LLGL2: variants seen among roughly 807,000 people sequenced by gnomAD.
LLGL2 encodes the protein LLGL2, scribble cell polarity complex component.
A neutral mutation model predicts 123.2 loss-of-function variants in LLGL2; 81 were observed. That is an observed-to-expected ratio of 0.66 (90% confidence interval 0.55 to 0.79). LLGL2 has a LOEUF of 0.79. LLGL2 is among the 30% of genes least tolerant of loss of function. The pLI, the probability that LLGL2 is intolerant of heterozygous loss-of-function variation, is 0.00. For missense variants in LLGL2, 1,273 were observed against 1,414.6 expected (o/e 0.90, Z 1.61); for synonymous variants, 577 against 594.1 (o/e 0.97, Z 0.42).
chr17:75,568,628 C>T lies in LLGL2; in HGVS notation c.1189C>T (p.Pro397Ser). 1 of 1,613,910 alleles carries T rather than the reference C, an allele frequency of 6.2e-7. No individual in the cohort carries two copies. The highest frequency in any genetic ancestry group is 8.5e-7 in the Non-Finnish European group (1 of 1,180,018). ...CTGCTCTCACCACGTCTCCAACATC[C>T]CGCTGAAGCTGTGGGAGCGGATCAT... Reference protein sequence around the residue: ...ITCSHHVSNIPLKLWERIIAA... With the variant: ...ITCSHHVSNISLKLWERIIAA... The change falls in exon 11 of 26, where the codon CCG becomes TCG. Residue 397 changes from proline to serine, a missense_variant. Transcript: ENST00000392550.
chr17:75,548,153 G>A (rs1382917190), intron 2 of LLGL2, among the ~76,000 whole-genome samples: 1 of 152,048 alleles, frequency 6.6e-6, no homozygotes, highest in Non-Finnish European at 1.5e-5. Flanking sequence ...AAACCCAAAA[G>A]ATTCTGAAAT....
intron 2 of LLGL2, among the ~76,000 whole-genome samples, chr17:75,546,573 G>A (rs2054435092): frequency 1.8e-5 from 1 of 55,438 alleles, no homozygotes; most frequent in Non-Finnish European, 5.3e-5. Flanking sequence ...CAGGCGGAGG[G>A]CAGGTCCAGC....
At position 75,538,103 on chromosome 17, in the gene LLGL2, G is replaced by A. The variant is rs141680210; in HGVS notation, c.-30-5294G>A. 7.7e-3 allele frequency among the ~76,000 whole-genome samples: 1,172 copies of A among 152,270 alleles called. 18 individuals are homozygous for A. The highest frequency in any genetic ancestry group is 0.026 in the African/African-American group (1,092 of 41,540). Reference sequence around the variant, plus strand: ...TGGGATTACAGGCGTGAGCCACCTCGCCCAGCCTGGAAGGGGGGCCGGGCT... The same window carrying A: ...TGGGATTACAGGCGTGAGCCACCTCACCCAGCCTGGAAGGGGGGCCGGGCT... On this transcript the variant is annotated intron_variant, in intron 1 of 25. Coordinates refer to ENST00000392550, the MANE Select transcript of LLGL2 (RefSeq NM_001031803.2).
At chr17:75,528,079 G>A (rs906697111) in intron 1 of LLGL2, among the ~76,000 whole-genome samples, 2 of 151,612 alleles carry the variant, frequency 1.3e-5, no homozygotes, top group African/African-American at 2.4e-5. Context: ...TGCCACGCCA[G>A]ACCCGTTAGT....
At chr17:75,535,978 C>T (rs1386012517) in intron 1 of LLGL2, among the ~76,000 whole-genome samples, 4 of 152,180 alleles carry the variant, frequency 2.6e-5, no homozygotes, top group African/African-American at 9.7e-5. Context: ...ACATGCAAGG[C>T]ACAGACTTGG....
At chr17:75,536,250 A>G (rs1412731250) in intron 1 of LLGL2, among the ~76,000 whole-genome samples, 1 of 151,928 alleles carries the variant, frequency 6.6e-6, no homozygotes, top group African/African-American at 2.4e-5. Flanking sequence ...CTGGTGTTAG[A>G]CTTGAGGACT....
At chr17:75,529,880 T>G (rs562923810) in intron 1 of LLGL2, among the ~76,000 whole-genome samples, 41 of 152,154 alleles carry the variant, frequency 2.7e-4, no homozygotes, top group African/African-American at 9.9e-4. Flanking sequence ...TAATAATAAT[T>G]TTTAAAAAAA....
chr17:75,573,853 G>T, intron 21 of LLGL2, 99 bp from the exon 22 acceptor site: 11 of 1,428,998 alleles, frequency 7.7e-6, no homozygotes, highest in Non-Finnish European at 8.7e-6. Context: ...TCCGGCTCAG[G>T]ACAGGCTGCG....
chr17:75,542,926 A>C (rs1435050396), intron 1 of LLGL2: 1 of 152,328 alleles, frequency 6.6e-6, no homozygotes, highest in East Asian at 1.9e-4. Context: ...GCCTGGAGTC[A>C]CTGCAGGCCT....
chr17:75,573,409 C>T, intron 20 of LLGL2, 72 bp from the exon 21 acceptor site: 1 of 1,567,820 alleles, frequency 6.4e-7, no homozygotes, highest in Non-Finnish European at 8.7e-7. Flanking sequence ...GCACTAGCCC[C>T]TACTCCCCCA....
chr17:75,529,387 T>A (rs573084433), intron 1 of LLGL2, among the ~76,000 whole-genome samples: 206 of 151,424 alleles, frequency 1.4e-3, no homozygotes, highest in African/African-American at 4.6e-3. Context: ...GTATTTTTTG[T>A]AGAGACAGGG....
At position 75,564,359 on chromosome 17, in the gene LLGL2, C is replaced by T; in HGVS notation, c.888C>T (p.Pro296=). ...GCTCCTCTGTGCCTGCCAGGTTGCC[C>T]TTCACCATCTTCCAGGGTGGCATGC... is the stretch of plus-strand genomic sequence containing the variant. ...ILWLTTRQGL[P]FTIFQGGMPR... is the part of the protein sequence containing the mutation. Residue 296 remains proline, a synonymous_variant, in exon 10 of 26, where the codon CCC becomes CCT. Coordinates refer to ENST00000392550, the MANE Select transcript of LLGL2 (RefSeq NM_001031803.2). This position sits in a 1 kb window ranked among gnomAD's most constrained non-coding sequence, Gnocchi z 4.9. The T allele has an allele frequency of 6.2e-7, 1 of 1,608,870 alleles. No individual in the cohort carries two copies. The highest frequency in any genetic ancestry group is 8.5e-7 in the Non-Finnish European group (1 of 1,178,732).
rs750227574 is a variant in LLGL2, at chr17:75,543,416, G to A, written c.-11G>A. ...CTCCAGGTCTCCAGTGGGGGCTGCA[G>A]ACTAAGCAAAATGAGGCGGTTCCTG... On this transcript the variant is annotated 5_prime_UTR_variant, in exon 2 of 26. Transcript: ENST00000392550. The A allele has an allele frequency of 2.5e-6, 4 of 1,605,560 alleles. No individual in the cohort carries two copies. The highest frequency in any genetic ancestry group is 2.2e-5 in the South Asian group (2 of 89,966).
rs762283011 is a variant in LLGL2, at chr17:75,563,178, G to A, written c.693G>A (p.Gln231=). Reference sequence around the variant, plus strand: ...TGCTCTACCACTTCCTCAGCAGCCAGGTAGGCAGTGCCCAGGACATGGCAG... The same window carrying A: ...TGCTCTACCACTTCCTCAGCAGCCAAGTAGGCAGTGCCCAGGACATGGCAG... ...SRVLYHFLSS[Q]QLENIWWQRD... is the part of the protein sequence containing the mutation. Residue 231 remains glutamine (Q), a splice_region_variant and synonymous_variant, in exon 7 of 26, where the codon CAG becomes CAA. Transcript: ENST00000392550. 1 of 1,613,028 alleles carries A rather than the reference G, an allele frequency of 6.2e-7. No homozygotes were observed. The highest frequency in any genetic ancestry group is 8.5e-7 in the Non-Finnish European group (1 of 1,180,008).
In LLGL2 at chr17:75,558,398, C is replaced by A; in HGVS notation, c.256-114C>A. The A allele has an allele frequency of 8.6e-7, 1 of 1,159,550 alleles. No homozygotes were observed. The highest frequency in any genetic ancestry group is 1.2e-6 in the Non-Finnish European group (1 of 824,426). 71.8% of individuals were successfully genotyped at this position (1,159,550 alleles called of 1,614,324 possible). ...CCTTTCCACAGCTGGGGCTCATGGG[C>A]CACCCTGGGAGTGGCCAGGGGGTCT... On this transcript the variant is annotated intron_variant, in intron 4 of 25. Transcript: ENST00000392550. The surrounding 1 kb of genome is among the most constrained non-coding windows in gnomAD (Gnocchi z 4.0).
At chr17:75,557,997 C>G in intron 3 of LLGL2, 158 bp from the exon 4 acceptor site, 1 of 773,976 alleles carries the variant, frequency 1.3e-6, no homozygotes, top group Non-Finnish European at 2.3e-6. Context: ...GCTGTGTCTC[C>G]TCCCCACCCT....
At chr17:75,570,631 G>A (rs879271506) in intron 16 of LLGL2, 133 bp downstream of exon 16, 3 of 1,141,170 alleles carry the variant, frequency 2.6e-6, no homozygotes, top group Admixed American at 2.7e-5. Flanking sequence ...AGGTCGCATT[G>A]TGTGACCTCA....
Position 75,558,963 on chromosome 17 carries a change from C to T in LLGL2, c.372-289C>T, listed in dbSNP as rs111939749. 10,558 of 320,244 alleles carry T rather than the reference C, an allele frequency of 0.033. 1,444 individuals carry two copies. The highest frequency in any genetic ancestry group is 0.12 in the African/African-American group (2,432 of 20,062). The allele number at this position is 320,244 out of a possible 1,614,324, so 19.8% of individuals were successfully genotyped here. A position where few individuals can be genotyped will look rare whatever the true frequency, so the allele number is the denominator to read the frequency against. ...CGCACCCCGCCTCCTCCATCCGCAC[C>T]CCGCCTCCTCCATCCGCACCCCGCC... On this transcript the variant is annotated intron_variant, in intron 5 of 25. Coordinates refer to ENST00000392550, the MANE Select transcript of LLGL2 (RefSeq NM_001031803.2). This position sits in a 1 kb window ranked among gnomAD's most constrained non-coding sequence, Gnocchi z 4.0.
chr17:75,550,611 C>T (rs1232211298), intron 2 of LLGL2, among the ~76,000 whole-genome samples: 3 of 151,918 alleles, frequency 2.0e-5, no homozygotes, highest in East Asian at 1.9e-4. Flanking sequence ...ATAGTGACAC[C>T]TCATCTCTAC....
Sources: allele counts gnomAD v4.1 joint callset (sites outside exome capture counted in the v4.1 genomes callset), GRCh38; gene constraint gnomAD v4.1.1; non-coding constraint Gnocchi (gnomAD v3.1); transcripts MANE v1.5; gene names NCBI Gene and HGNC (gene_info 2026-07-23, HGNC 2026-07-21).